QSOX2: variants seen among roughly 807,000 people sequenced by gnomAD.
The protein encoded by QSOX2 is quiescin sulfhydryl oxidase 2, also known as sulfhydryl oxidase 2.
In QSOX2, 46 loss-of-function variants were observed where a neutral mutation model predicts 61.7. The ratio of observed to expected loss-of-function variants is 0.75; its 90% CI spans 0.59 to 0.95. The LOEUF is 0.95. Ranked by LOEUF, QSOX2 falls within the 40% of genes least tolerant of loss-of-function variation. The pLI, the probability that QSOX2 is intolerant of heterozygous loss-of-function variation, is 0.00. For synonymous variants in QSOX2, 383 were observed against 388.4 expected (o/e 0.99, Z 0.16); for missense variants, 879 against 918.9 (o/e 0.96, Z 0.56).
chr9:136,209,379 A>G lies in QSOX2; in HGVS notation c.1550-104T>C. On this transcript the variant is annotated intron_variant, in intron 11 of 11. Transcript: ENST00000358701. The surrounding 1 kb of genome is among the most constrained non-coding windows in gnomAD (Gnocchi z 5.6). ...CCACTCCCACCCACCACGGGCCTCC[A>G]CTGCCCTGGCCCAGGGTCCTGCCAG... The G allele has an allele frequency of 6.5e-7, 1 of 1,533,060 alleles. No individual in the cohort carries two copies. Among genetic ancestry groups the G allele is most frequent in the South Asian group, 1.3e-5 (1 of 77,684 alleles). The allele number at this position is 1,533,060 out of a possible 1,614,324, so 95.0% of individuals were successfully genotyped here. A position where few individuals can be genotyped will look rare whatever the true frequency, so the allele number is the denominator to read the frequency against.
Position 136,208,291 on chromosome 9 carries a change from T to TGGAGGGTGCAGGGAGGGCCGAGGTGGGG in QSOX2, c.*436_*437insCCCCACCTCGGCCCTCCCTGCACCCTCC, listed in dbSNP as rs71384066. ...GCGGGGGGAGGGGGAGCGAGGGGAG[T>TGGAGGGTGCAGGGAGGGCCGAGGTGGGG]GGGGGGGAGCCAGGAGCCGCGGGGG... On this transcript the variant is annotated 3_prime_UTR_variant, in exon 12 of 12. Transcript: ENST00000358701. 1.5e-5 allele frequency: 1 copy of TGGAGGGTGCAGGGAGGGCCGAGGTGGGG among 67,840 alleles called. No individual in the cohort carries two copies. The highest frequency in any genetic ancestry group is 1.7e-4 in the Admixed American group (1 of 5,978). The allele number at this position is 67,840 out of a possible 1,614,324, so 4.2% of individuals were successfully genotyped here. A position where few individuals can be genotyped will look rare whatever the true frequency, so the allele number is the denominator to read the frequency against.
rs1023616387 is a variant in QSOX2, at chr9:136,206,439, G to A, written c.*2289C>T. On this transcript the variant is annotated 3_prime_UTR_variant, in exon 12 of 12. Transcript: ENST00000358701. ...TAAGAAATTTCACTGACATTTCCAT[G>A]TCAATTAGCTTCTTTTTAATAAAAA... 1.3e-5 allele frequency: 2 copies of A among 152,544 alleles called. No individual in the cohort carries two copies. Among genetic ancestry groups the A allele is most frequent in the Non-Finnish European group, 2.9e-5 (2 of 68,020 alleles). The allele number at this position is 152,544 out of a possible 1,614,324, so 9.4% of individuals were successfully genotyped here.
Position 136,221,276 on chromosome 9 carries a change from G to A in QSOX2, c.821+520C>T, listed in dbSNP as rs971178006. Among the ~76,000 whole-genome samples the A allele has an allele frequency of 5.6e-5, 8 of 141,820 alleles. No homozygotes were observed. Among genetic ancestry groups the A allele is most frequent in the Non-Finnish European group, 1.1e-4 (7 of 64,852 alleles). 93.0% of individuals were successfully genotyped at this position (141,820 alleles called of 152,430 possible). On this transcript the variant is annotated intron_variant, in intron 6 of 11. Coordinates refer to ENST00000358701, the MANE Select transcript of QSOX2 (RefSeq NM_181701.4). This position sits in a 1 kb window ranked among gnomAD's most constrained non-coding sequence, Gnocchi z 4.5. Reference sequence around the variant, plus strand: ...GGGCTTATCCTCATGAGGGGCACACGGGCACCCCACGCAGAGGCAAAGGGC... The same window carrying A: ...GGGCTTATCCTCATGAGGGGCACACAGGCACCCCACGCAGAGGCAAAGGGC...
rs758310532 is a variant in QSOX2 at position 136,219,155 on chromosome 9, A to C, written c.831T>G (p.Pro277=). The C allele has an allele frequency of 1.9e-6, 3 of 1,613,740 alleles. No individual in the cohort carries two copies. Among genetic ancestry groups the C allele is most frequent in the Non-Finnish European group, 1.7e-6 (2 of 1,179,984 alleles). The change falls in exon 7 of 12, where the codon CCT becomes CCG. Residue 277 remains proline, a synonymous_variant. Transcript: ENST00000358701. The part of the protein sequence containing the change: ...GSHGLINVVK[P]LRAFFSSYLK... ...AATAAGACGAAAAGAAGGCCCGCAG[A>C]GGCTTCACGCTGTGAGAGAGGGGAG...
chr9:136,212,403 C>T (rs747363980), intron 10 of QSOX2, among the ~76,000 whole-genome samples: 1 of 152,262 alleles, frequency 6.6e-6, no homozygotes, highest in African/African-American at 2.4e-5. Flanking sequence ...GGGAGCTTCC[C>T]GCGTGAGTGC....
Position 136,223,040 on chromosome 9 carries a change from G to C in QSOX2, c.675+723C>G, listed in dbSNP as rs1177309084. Among the ~76,000 whole-genome samples the C allele has an allele frequency of 1.3e-5, 2 of 152,266 alleles. No individual in the cohort carries two copies. The highest frequency in any genetic ancestry group is 2.9e-5 in the Non-Finnish European group (2 of 68,050). Reference sequence around the variant, plus strand: ...CGAGACGGTCACAGTGCAGGTGTCTGCAGCTGCCTTCCCAAGTGCGTCTCC... The same window carrying C: ...CGAGACGGTCACAGTGCAGGTGTCTCCAGCTGCCTTCCCAAGTGCGTCTCC... On this transcript the variant is annotated intron_variant, in intron 5 of 11. Coordinates refer to ENST00000358701, the MANE Select transcript of QSOX2 (RefSeq NM_181701.4). This position sits in a 1 kb window ranked among gnomAD's most constrained non-coding sequence, Gnocchi z 4.4.
Position 136,222,615 on chromosome 9 carries a change from G to A in QSOX2, c.676-674C>T, listed in dbSNP as rs1346488004. 6.6e-6 allele frequency among the ~76,000 whole-genome samples: 1 copy of A among 152,228 alleles called. No individual in the cohort carries two copies. Among genetic ancestry groups the A allele is most frequent in the Non-Finnish European group, 1.5e-5 (1 of 68,048 alleles). On this transcript the variant is annotated intron_variant, in intron 5 of 11. Coordinates refer to ENST00000358701, the MANE Select transcript of QSOX2 (RefSeq NM_181701.4). This position sits in a 1 kb window ranked among gnomAD's most constrained non-coding sequence, Gnocchi z 6.9. ...CCTGAGCTGGGTGTGTCTGCGAAGA[G>A]CTGATCGCTACTCTGGGGCCACACT...
rs892097254 is a variant in QSOX2, at chr9:136,245,463, G to A, written c.328+13C>T. The A allele has an allele frequency of 6.3e-7, 1 of 1,581,806 alleles. No homozygotes were observed. The highest frequency in any genetic ancestry group is 1.1e-5 in the South Asian group (1 of 89,688). ...CGGGGGTCGGGGGGTCCCCGCGCGG[G>A]GGCGCGCCTCACCTCGCACATCCCC... On this transcript the variant is annotated intron_variant, in intron 1 of 11. Coordinates refer to ENST00000358701, the MANE Select transcript of QSOX2 (RefSeq NM_181701.4).
At position 136,208,752 on chromosome 9, in the gene QSOX2, G is replaced by C; in HGVS notation, c.2073C>G (p.Val691=). The C allele has an allele frequency of 6.2e-7, 1 of 1,611,754 alleles. No homozygotes were observed. Among genetic ancestry groups the C allele is most frequent in the Non-Finnish European group, 8.5e-7 (1 of 1,178,814 alleles). Reference sequence around the variant, plus strand: ...CTCACACGGCCGGGTGGTGGTGCTTGACCTTCCACCGCCTGGACCTCACCC... The same window carrying C: ...CTCACACGGCCGGGTGGTGGTGCTTCACCTTCCACCGCCTGGACCTCACCC... ...FFRVRSRRWK[V]KHHHPAV The change falls in exon 12 of 12, where the codon GTC becomes GTG. Residue 691 remains valine (V), a synonymous_variant. Transcript: ENST00000358701.
chr9:136,241,900 C>T (rs560118898), intron 1 of QSOX2, among the ~76,000 whole-genome samples: 1 of 152,232 alleles, frequency 6.6e-6, no homozygotes, highest in Admixed American at 6.5e-5. Context: ...AGAGGGCGCA[C>T]GGGGACACAG....
intron 1 of QSOX2, among the ~76,000 whole-genome samples, chr9:136,231,833 AG>A (rs1388491089): frequency 2.6e-5 from 4 of 152,078 alleles, no homozygotes; most frequent in Admixed American, 6.5e-5. Context: ...CCAAGTCCTC[AG>A]AGGCCGAGAG....
chr9:136,231,328 GACATGCTGCAGCCCAA>G (rs1230255309), intron 1 of QSOX2, among the ~76,000 whole-genome samples: 2 of 152,246 alleles, frequency 1.3e-5, no homozygotes, highest in Non-Finnish European at 2.9e-5. Context: ...TCACGCAGGT[GACATGCTGCAGCCCAA>G]ACATGCATCA....
intron 1 of QSOX2, among the ~76,000 whole-genome samples, chr9:136,232,889 C>CCAGCCT (rs1486976425): frequency 7.0e-6 from 1 of 142,444 alleles, no homozygotes. Flanking sequence ...CCACTGCACT[C>CCAGCCT]CAGCCTGGGT....
intron 7 of QSOX2, 91 bp downstream of exon 7, chr9:136,218,939 G>T: frequency 6.4e-7 from 1 of 1,574,706 alleles, no homozygotes; most frequent in Non-Finnish European, 8.6e-7. Flanking sequence ...ACTGGCTGGG[G>T]TGGGTTTCTG....
Position 136,224,927 on chromosome 9 carries a change from G to C in QSOX2, c.430-18C>G. ...TTAAAATACTAAGAGGAAAAACACA[G>C]AACAAGTAAGAGGCAGCCTTCCATG... is the stretch of plus-strand genomic sequence containing the variant. On this transcript the variant is annotated intron_variant, in intron 2 of 11. Coordinates refer to ENST00000358701, the MANE Select transcript of QSOX2 (RefSeq NM_181701.4). The C allele has an allele frequency of 3.8e-6, 6 of 1,594,460 alleles. No individual in the cohort carries two copies. The highest frequency in any genetic ancestry group is 4.3e-6 in the Non-Finnish European group (5 of 1,169,316).
intron 11 of QSOX2, chr9:136,211,006 G>T: frequency 1.5e-6 from 1 of 664,964 alleles, no homozygotes; most frequent in Non-Finnish European, 1.9e-6. Flanking sequence ...GGAAGAAAGA[G>T]CCACACCCAT....
chr9:136,234,183 T>C (rs2131065849), intron 1 of QSOX2, among the ~76,000 whole-genome samples: 1 of 152,300 alleles, frequency 6.6e-6, no homozygotes, highest in African/African-American at 2.4e-5. Flanking sequence ...TACTTCTCTT[T>C]TGTGCGACGA....
At position 136,209,626 on chromosome 9, in the gene QSOX2, C is replaced by T. The variant is rs1490593572; in HGVS notation, c.1550-351G>A. The T allele has an allele frequency of 1.2e-5, 12 of 985,210 alleles. No homozygotes were observed. In the African/African-American group the frequency reaches 1.9e-4, roughly 16 times the overall value. 61.0% of individuals were successfully genotyped at this position (985,210 alleles called of 1,614,324 possible). On this transcript the variant is annotated intron_variant, in intron 11 of 11. Transcript: ENST00000358701. This position sits in a 1 kb window ranked among gnomAD's most constrained non-coding sequence, Gnocchi z 5.6. ...GGAGCATGCAGCTCTCACCTGGAGG[C>T]CTTTCTCCGCACAGTGCTGCCTGTG...
In QSOX2 at chr9:136,244,057, G is replaced by GA. The variant is rs11339196; in HGVS notation, c.328+1418dup. Among the ~76,000 whole-genome samples, 490 of 145,580 alleles carry GA rather than the reference G, an allele frequency of 3.4e-3. 1 individual carries two copies. The highest frequency in any genetic ancestry group is 0.011 in the African/African-American group (419 of 39,766). On this transcript the variant is annotated intron_variant, in intron 1 of 11. Coordinates refer to ENST00000358701, the MANE Select transcript of QSOX2 (RefSeq NM_181701.4). ...ATCTTTAGACTTCAGCGACTCAACT[G>GA]AAAAAAAAAAATCAAAACCAAAACC...
Sources: allele counts gnomAD v4.1 joint callset (sites outside exome capture counted in the v4.1 genomes callset), GRCh38; gene constraint gnomAD v4.1.1; non-coding constraint Gnocchi (gnomAD v3.1); transcripts MANE v1.5; gene names NCBI Gene and HGNC (gene_info 2026-07-23, HGNC 2026-07-21).